MMP26: variants seen among roughly 807,000 people sequenced by gnomAD.
MMP26 encodes the protein matrix metallopeptidase 26.
Under a neutral mutation model 31.0 loss-of-function variants are expected in MMP26, and 33 were observed. That is an observed-to-expected ratio of 1.06 (90% CI 0.81 to 1.42). MMP26 has a LOEUF of 1.42. MMP26 is among the 40% of genes most tolerant of loss of function. The pLI, the probability that MMP26 is intolerant of heterozygous loss-of-function variation, is 0.00. For synonymous variants in MMP26, 122 were observed against 114.9 expected (o/e 1.06, Z -0.40); for missense variants, 347 against 316.1 (o/e 1.10, Z -0.74).
chr11:4,706,337 A>G lies in MMP26; in HGVS notation c.-217+1292A>G, dbSNP rs375477156. 1.2e-4 allele frequency among the ~76,000 whole-genome samples: 19 copies of G among 152,114 alleles called. No individual in the cohort carries two copies. In the East Asian group the frequency reaches 2.1e-3, roughly 17 times the overall value. On this transcript the variant is annotated intron_variant, in intron 1 of 7. Coordinates refer to ENST00000380390, the MANE Select transcript of MMP26 (RefSeq NM_021801.5). The stretch of plus-strand genomic sequence containing the variant: ...GCACTTTGGAGGCCAAGGCAGGTGT[A>G]TTCCTTGAGTTCAATAGTTCAAGAC...
chr11:4,804,081 G>A (rs1351439027), intron 2 of MMP26: 1 of 1,614,116 alleles, frequency 6.2e-7, no homozygotes, highest in Non-Finnish European at 8.5e-7. Flanking sequence ...CCTGGATGAG[G>A]CAGGCATGGT....
At chr11:4,915,723 A>G (rs1851078104) in intron 2 of MMP26, 1 of 1,158,504 alleles carries the variant, frequency 8.6e-7, no homozygotes. Flanking sequence ...AAATTGAGGC[A>G]GTACTGGTGA....
chr11:4,743,654 A>G (rs1028009571), intron 1 of MMP26, among the ~76,000 whole-genome samples: 6 of 152,238 alleles, frequency 3.9e-5, no homozygotes, highest in African/African-American at 9.6e-5. Context: ...TCACTGTAAT[A>G]TTTGGACAAA....
chr11:4,946,750 G>A (rs144450018), intron 2 of MMP26: 551 of 1,588,156 alleles, frequency 3.5e-4, no homozygotes, highest in Middle Eastern at 1.7e-3. Context: ...ACATGATCAG[G>A]AGGACTGAGG....
At chr11:4,819,566 ATTTTTTTTTT>A (rs71050433) in intron 2 of MMP26, among the ~76,000 whole-genome samples, 30 of 50,302 alleles carry the variant, frequency 6.0e-4, no homozygotes, top group African/African-American at 1.4e-3. Context: ...GAGTCGACTG[ATTTTTTTTTT>A]TTTTTTTTTT....
At chr11:4,941,849 G>T (rs1280252449) in intron 2 of MMP26, among the ~76,000 whole-genome samples, 2 of 151,720 alleles carry the variant, frequency 1.3e-5, no homozygotes, top group Non-Finnish European at 2.9e-5. Context: ...ACTTTGGGAG[G>T]CCGAGGCAGG....
At chr11:4,969,815 G>C (rs886653026) in intron 2 of MMP26, among the ~76,000 whole-genome samples, 3 of 151,936 alleles carry the variant, frequency 2.0e-5, no homozygotes, top group African/African-American at 7.2e-5. Context: ...AAGATACAAG[G>C]GTTTTTATTA....
intron 1 of MMP26, among the ~76,000 whole-genome samples, chr11:4,763,362 C>G (rs1848591551): frequency 6.6e-6 from 1 of 152,150 alleles, no homozygotes; most frequent in Non-Finnish European, 1.5e-5. Flanking sequence ...GAAATTAAAA[C>G]AGAAAGTCAT....
rs199763524 is a variant in MMP26 at position 4,851,679 on chromosome 11, A to AG, written c.-145+84343dup. ...TATATATTATAATAATAGCACAACAAGGGGGAGGAATTAAACATTTATTAA... is the reference window on the plus strand; with the variant it reads ...TATATATTATAATAATAGCACAACAAGGGGGGAGGAATTAAACATTTATTAA... On this transcript the variant is annotated intron_variant, in intron 2 of 7. Transcript: ENST00000380390. 6.7e-4 allele frequency among the ~76,000 whole-genome samples: 102 copies of AG among 152,102 alleles called. No homozygotes were observed. The East Asian group carries it at 0.016, about 24-fold the overall frequency.
intron 2 of MMP26, among the ~76,000 whole-genome samples, chr11:4,977,527 C>G (rs887787335): frequency 6.6e-6 from 1 of 152,096 alleles, no homozygotes; most frequent in Non-Finnish European, 1.5e-5. Context: ...TGTGACCTGT[C>G]AGCTATAACA....
chr11:4,983,276 T>C (rs1375625337), intron 2 of MMP26, among the ~76,000 whole-genome samples: 1 of 152,196 alleles, frequency 6.6e-6, no homozygotes, highest in African/African-American at 2.4e-5. Flanking sequence ...TTACCCTCTA[T>C]GCTCTCTATT....
At chr11:4,725,607 G>T (rs1241091307) in intron 1 of MMP26, among the ~76,000 whole-genome samples, 1 of 152,142 alleles carries the variant, frequency 6.6e-6, no homozygotes, top group Non-Finnish European at 1.5e-5. Context: ...GTTAAATGGG[G>T]GTTCTCATCA....
chr11:4,964,393 G>C lies in MMP26; in HGVS notation c.-144-23675G>C, dbSNP rs1207389725. Reference sequence around the variant, plus strand: ...AATCCTTTCCCCATTGCTTATTTTTGTCAGGTTTGTTGAAGATCAGATGGT... The same window carrying C: ...AATCCTTTCCCCATTGCTTATTTTTCTCAGGTTTGTTGAAGATCAGATGGT... On this transcript the variant is annotated intron_variant, in intron 2 of 7. Coordinates refer to ENST00000380390, the MANE Select transcript of MMP26 (RefSeq NM_021801.5). Among the ~76,000 whole-genome samples the C allele has an allele frequency of 2.6e-5, 4 of 151,886 alleles. No homozygotes were observed. The East Asian group carries it at 7.7e-4, about 29-fold the overall frequency.
chr11:4,908,711 GA>G, intron 2 of MMP26: 1 of 186,868 alleles, frequency 5.4e-6, no homozygotes, highest in East Asian at 1.4e-4. Context: ...ATGCTGATCT[GA>G]TTACAATAGA....
At chr11:4,796,868 ACTT>A (rs779704593) in intron 2 of MMP26, among the ~76,000 whole-genome samples, 28 of 152,070 alleles carry the variant, frequency 1.8e-4, no homozygotes, top group Non-Finnish European at 3.4e-4. Flanking sequence ...CTCAGGGCTA[ACTT>A]CTTCTGTAAT....
intron 2 of MMP26, among the ~76,000 whole-genome samples, chr11:4,836,947 G>A (rs1030572280): frequency 6.6e-6 from 1 of 151,656 alleles, no homozygotes; most frequent in African/African-American, 2.4e-5. Context: ...CACCGCGCCT[G>A]GCCAAAGACC....
chr11:4,882,482 T>A, intron 2 of MMP26: 1 of 1,613,930 alleles, frequency 6.2e-7, no homozygotes, highest in Non-Finnish European at 8.5e-7. Context: ...TTCCAAACCT[T>A]GGATCAGCAG....
At chr11:4,839,014 G>C (rs1482808358) in intron 2 of MMP26, among the ~76,000 whole-genome samples, 2 of 152,092 alleles carry the variant, frequency 1.3e-5, no homozygotes, top group East Asian at 3.9e-4. Flanking sequence ...CAGACACACT[G>C]GTGTCAGAAA....
intron 1 of MMP26, among the ~76,000 whole-genome samples, chr11:4,729,471 G>A (rs953526337): frequency 6.6e-6 from 1 of 152,128 alleles, no homozygotes; most frequent in African/African-American, 2.4e-5. Context: ...GGGGCAGGAA[G>A]AAACTTCTTA....
Sources: gnomAD v4.1 joint callset for allele counts (sites outside exome capture counted in the v4.1 genomes callset) on GRCh38, gnomAD v4.1.1 for gene constraint, MANE v1.5 for transcripts, NCBI Gene and HGNC (gene_info 2026-07-23, HGNC 2026-07-21) for gene names.